NDST4: variants seen among roughly 807,000 people sequenced by gnomAD.
NDST4 encodes the protein N-heparan sulfate sulfotransferase 4.
A neutral mutation model predicts 100.8 loss-of-function variants in NDST4; 63 were observed. The observed-to-expected ratio is 0.62, with a 90% CI of 0.51 to 0.77. The LOEUF is 0.77. NDST4 is among the 30% of genes least tolerant of loss of function. The probability of loss-of-function intolerance (pLI) is 0.00; values close to 1 mark genes in which losing one functional copy is unlikely to be tolerated. For missense variants in NDST4, 943 were observed against 1,018.4 expected (o/e 0.93, Z 1.01); for synonymous variants, 377 against 361.8 (o/e 1.04, Z -0.48).
At chr4:115,047,257 A>C (rs1466960006) in intron 2 of NDST4, among the ~76,000 whole-genome samples, 1 of 152,122 alleles carries the variant, frequency 6.6e-6, no homozygotes, top group Non-Finnish European at 1.5e-5. Context: ...TGTGTCAAAC[A>C]TTGTGTTTTA....
At chr4:115,074,668 G>A (rs977775057) in intron 2 of NDST4, among the ~76,000 whole-genome samples, 1 of 152,008 alleles carries the variant, frequency 6.6e-6, no homozygotes, top group African/African-American at 2.4e-5. Context: ...CATATACTTT[G>A]AAGGTTTTTA....
chr4:114,909,686 A>AAG, intron 6 of NDST4, among the ~76,000 whole-genome samples: 1 of 151,012 alleles, frequency 6.6e-6, no homozygotes, highest in Admixed American at 6.6e-5. Context: ...AAAAAAAAAA[A>AAG]AAAGAAAGCT....
chr4:115,029,417 A>C (rs1728059042), intron 2 of NDST4, among the ~76,000 whole-genome samples: 1 of 152,124 alleles, frequency 6.6e-6, no homozygotes. Context: ...TTTAGGGAAT[A>C]GATTTATGAT....
intron 2 of NDST4, among the ~76,000 whole-genome samples, chr4:115,000,094 C>A (rs1727253459): frequency 6.6e-6 from 1 of 151,474 alleles, no homozygotes; most frequent in Non-Finnish European, 1.5e-5. Flanking sequence ...AAATGTTATA[C>A]AAACCTGTGT....
At chr4:115,097,685 T>C (rs1028563948) in intron 1 of NDST4, among the ~76,000 whole-genome samples, 1 of 152,154 alleles carries the variant, frequency 6.6e-6, no homozygotes. Context: ...AGGGTCCTCA[T>C]TTTACAATGT....
intron 6 of NDST4, among the ~76,000 whole-genome samples, chr4:114,923,692 A>G (rs1269309779): frequency 1.3e-5 from 2 of 152,232 alleles, no homozygotes; most frequent in East Asian, 3.9e-4. Context: ...GAAGAGCATT[A>G]TGCACCTAGT....
chr4:114,956,864 T>G (rs1276708112), intron 4 of NDST4, among the ~76,000 whole-genome samples: 1 of 152,204 alleles, frequency 6.6e-6, no homozygotes, highest in Non-Finnish European at 1.5e-5. Flanking sequence ...GCTGCCAAAA[T>G]TATCTAAAAT....
At chr4:114,972,101 A>C (rs1374365751) in intron 3 of NDST4, among the ~76,000 whole-genome samples, 1 of 151,984 alleles carries the variant, frequency 6.6e-6, no homozygotes, top group Non-Finnish European at 1.5e-5. Context: ...CTGTTTTAGA[A>C]ACTTTGCCTG....
chr4:114,986,446 A>G (rs1029823590), intron 2 of NDST4, among the ~76,000 whole-genome samples: 3 of 152,100 alleles, frequency 2.0e-5, no homozygotes, highest in African/African-American at 7.2e-5. Flanking sequence ...GAAAGTGTGT[A>G]AGACGAGCTT....
intron 10 of NDST4, among the ~76,000 whole-genome samples, chr4:114,844,562 T>C (rs1016349967): frequency 1.3e-5 from 2 of 152,254 alleles, no homozygotes; most frequent in Non-Finnish European, 1.5e-5. Flanking sequence ...CCTTCAGTTT[T>C]AGGTCTTAAT....
chr4:114,939,246 A>G (rs1216261456), intron 4 of NDST4, among the ~76,000 whole-genome samples: 1 of 152,140 alleles, frequency 6.6e-6, no homozygotes, highest in Admixed American at 6.5e-5. Flanking sequence ...TCATTACTTC[A>G]TGAGAAAAAT....
chr4:115,007,354 T>C (rs953988273), intron 2 of NDST4, among the ~76,000 whole-genome samples: 1 of 152,126 alleles, frequency 6.6e-6, no homozygotes, highest in East Asian at 1.9e-4. Context: ...TAAATATGAC[T>C]GGGAAATAAC....
At chr4:114,832,535 C>A (rs181464372) in intron 12 of NDST4, among the ~76,000 whole-genome samples, 19 of 152,242 alleles carry the variant, frequency 1.2e-4, no homozygotes, top group Admixed American at 1.2e-3. Flanking sequence ...TTTTACATTT[C>A]TCCCCATTTT....
chr4:114,873,733 T>C (rs979750193), intron 6 of NDST4, among the ~76,000 whole-genome samples: 50 of 152,210 alleles, frequency 3.3e-4, no homozygotes, highest in African/African-American at 1.2e-3. Flanking sequence ...TAAGTATGCA[T>C]TTATCTCATG....
At chr4:115,109,300 C>T (rs752418047) in intron 1 of NDST4, among the ~76,000 whole-genome samples, 8 of 151,850 alleles carry the variant, frequency 5.3e-5, no homozygotes, top group Non-Finnish European at 1.2e-4. Flanking sequence ...CGATGCATTC[C>T]ATTAAGGACT....
chr4:114,888,330 C>T (rs1195363351), intron 6 of NDST4, among the ~76,000 whole-genome samples: 1 of 151,906 alleles, frequency 6.6e-6, no homozygotes, highest in Non-Finnish European at 1.5e-5. Flanking sequence ...TGATAAAATT[C>T]CAGGGAGAAA....
rs115917763 is a variant in NDST4 at position 115,030,387 on chromosome 4, G to T, written c.978+45672C>A. Among the ~76,000 whole-genome samples, 868 of 152,112 alleles carry T rather than the reference G, an allele frequency of 5.7e-3. 11 individuals carry two copies. Among genetic ancestry groups the T allele is most frequent in the African/African-American group, 0.019 (779 of 41,508 alleles). On this transcript the variant is annotated intron_variant, in intron 2 of 13. Transcript: ENST00000264363. ...TTCATAACAGTATTTTCAGACTATTGTCTTACTCAGAAGAAAGAAATAATA... is the reference window on the plus strand; with the variant it reads ...TTCATAACAGTATTTTCAGACTATTTTCTTACTCAGAAGAAAGAAATAATA...
At chr4:115,103,660 G>A (rs980453718) in intron 1 of NDST4, among the ~76,000 whole-genome samples, 2 of 151,946 alleles carry the variant, frequency 1.3e-5, no homozygotes, top group African/African-American at 4.8e-5. Context: ...AATTTCACAG[G>A]TAAACCTGCT....
At chr4:114,928,958 C>T (rs1387103745) in intron 6 of NDST4, among the ~76,000 whole-genome samples, 2 of 151,966 alleles carry the variant, frequency 1.3e-5, no homozygotes, top group South Asian at 2.1e-4. Flanking sequence ...TGGGTCTTGA[C>T]AGCCCTCGTA....
Sources: allele counts gnomAD v4.1 joint callset (sites outside exome capture counted in the v4.1 genomes callset), GRCh38; gene constraint gnomAD v4.1.1; transcripts MANE v1.5; gene names NCBI Gene and HGNC (gene_info 2026-07-23, HGNC 2026-07-21).